The following GRID2 variants were observed in gnomAD, a reference collection of about 807,000 sequenced individuals.
GRID2 encodes glutamate receptor ionotropic, delta-2.
Under a neutral mutation model 114.8 loss-of-function variants are expected in GRID2, and 33 were observed. That is an observed-to-expected ratio of 0.29 (90% CI 0.22 to 0.38). GRID2 has a LOEUF of 0.38. GRID2 is among the 10% of genes least tolerant of loss of function. The pLI is 1.00. For missense variants in GRID2, 1,184 were observed against 1,257.7 expected, an observed-to-expected ratio of 0.94 and a Z score of 0.89; for synonymous variants, 505 against 449.9, an observed-to-expected ratio of 1.12 and a Z score of -1.55.
At chr4:92,772,938 C>A (rs1048933208) in intron 2 of GRID2, among the ~76,000 whole-genome samples, 1 of 152,166 alleles carries the variant, frequency 6.6e-6, no homozygotes, top group African/African-American at 2.4e-5. Context: ...GCTTTAGTCT[C>A]TGAGGCTTCA....
At chr4:92,968,639 T>C (rs898034144) in intron 2 of GRID2, among the ~76,000 whole-genome samples, 5 of 151,936 alleles carry the variant, frequency 3.3e-5, no homozygotes, top group Non-Finnish European at 7.4e-5. Context: ...ATGGCTTTAA[T>C]AGATTCACAT....
intron 1 of GRID2, among the ~76,000 whole-genome samples, chr4:92,454,997 A>G (rs533748799): frequency 2.0e-5 from 3 of 152,320 alleles, no homozygotes; most frequent in South Asian, 2.1e-4. Context: ...TACTTGGTTA[A>G]GATTCTACTG....
chr4:92,979,816 A>G (rs545726431), intron 2 of GRID2, among the ~76,000 whole-genome samples: 1 of 152,214 alleles, frequency 6.6e-6, no homozygotes, highest in South Asian at 2.1e-4. Flanking sequence ...ACCTAGAGAG[A>G]TTTGCATTTA....
intron 8 of GRID2, among the ~76,000 whole-genome samples, chr4:93,327,355 C>T (rs1428001455): frequency 6.6e-6 from 1 of 152,098 alleles, no homozygotes; most frequent in Non-Finnish European, 1.5e-5. Context: ...GTCTTTTTCA[C>T]CTCAGTCAAC....
chr4:93,009,420 C>T (rs1472148503), intron 2 of GRID2, among the ~76,000 whole-genome samples: 5 of 152,084 alleles, frequency 3.3e-5, no homozygotes, highest in Non-Finnish European at 1.5e-5. Context: ...AGGAGGAGAC[C>T]ACAGTCATTC....
chr4:93,424,711 G>A (rs1305720103), intron 10 of GRID2, among the ~76,000 whole-genome samples: 2 of 152,064 alleles, frequency 1.3e-5, no homozygotes, highest in South Asian at 2.1e-4. Context: ...TTCTGGGATA[G>A]GTTACATTTA....
chr4:92,954,705 G>A (rs1200216246), intron 2 of GRID2, among the ~76,000 whole-genome samples: 1 of 142,494 alleles, frequency 7.0e-6, no homozygotes, highest in Non-Finnish European at 1.5e-5. Flanking sequence ...ATGCTGGTGC[G>A]CTGCACCCAC....
At chr4:92,425,200 G>A (rs965714089) in intron 1 of GRID2, among the ~76,000 whole-genome samples, 5 of 151,946 alleles carry the variant, frequency 3.3e-5, no homozygotes, top group African/African-American at 9.7e-5. Flanking sequence ...TTAAGTAGAC[G>A]ACAGCAAATA....
At chr4:93,420,769 T>C (rs1768189810) in intron 9 of GRID2, among the ~76,000 whole-genome samples, 1 of 150,790 alleles carries the variant, frequency 6.6e-6, no homozygotes, top group African/African-American at 2.4e-5. Context: ...TTTATTTATG[T>C]TTTTGAGACA....
chr4:93,250,136 A>G lies in GRID2; in HGVS notation c.1245+11646A>G, dbSNP rs1748688786. On this transcript the variant is annotated intron_variant, in intron 8 of 15. Transcript: ENST00000282020. ...ATAGACTGGATAAAGAAAATGTGGC[A>G]CATAAACACCATGCAATACTATGCA... 2.0e-5 allele frequency among the ~76,000 whole-genome samples: 3 copies of G among 152,226 alleles called. No homozygotes were observed. The South Asian group carries it at 6.2e-4, about 32-fold the overall frequency.
At chr4:92,870,173 C>A (rs1416597811) in intron 2 of GRID2, among the ~76,000 whole-genome samples, 1 of 151,810 alleles carries the variant, frequency 6.6e-6, no homozygotes, top group African/African-American at 2.4e-5. Flanking sequence ...TCTACTCCAG[C>A]ATGGGTGACA....
intron 14 of GRID2, among the ~76,000 whole-genome samples, chr4:93,659,238 G>A (rs923223466): frequency 2.0e-5 from 3 of 152,014 alleles, no homozygotes; most frequent in African/African-American, 7.2e-5. Context: ...CATGTAAAAT[G>A]TGCACAGGTG....
At chr4:93,353,077 A>T (rs891126239) in intron 8 of GRID2, among the ~76,000 whole-genome samples, 8 of 152,040 alleles carry the variant, frequency 5.3e-5, no homozygotes, top group Non-Finnish European at 7.4e-5. Flanking sequence ...CCCCAATGGG[A>T]TGTGCTTTAG....
intron 10 of GRID2, among the ~76,000 whole-genome samples, chr4:93,445,034 G>C (rs917588345): frequency 6.6e-6 from 1 of 151,998 alleles, no homozygotes; most frequent in African/African-American, 2.4e-5. Flanking sequence ...TCCTTAGCTA[G>C]TGTGGTCATG....
intron 4 of GRID2, among the ~76,000 whole-genome samples, chr4:93,117,120 C>T (rs979962211): frequency 6.6e-6 from 1 of 152,074 alleles, no homozygotes. Flanking sequence ...TTATTTACCT[C>T]AGAACATCAA....
intron 2 of GRID2, among the ~76,000 whole-genome samples, chr4:92,798,274 G>A (rs999762851): frequency 6.6e-6 from 1 of 151,862 alleles, no homozygotes; most frequent in African/African-American, 2.4e-5. Context: ...TTAATTTTAT[G>A]CAGCATTCAG....
At chr4:93,804,190 ATC>A (rs1734988654) in intron 1 of GRID2, among the ~76,000 whole-genome samples, 2 of 152,246 alleles carry the variant, frequency 1.3e-5, no homozygotes, top group South Asian at 4.1e-4. Context: ...CCATGAGACT[ATC>A]ACAGACAACA....
chr4:93,621,378 C>T (rs1421754028), intron 13 of GRID2, among the ~76,000 whole-genome samples: 1 of 152,126 alleles, frequency 6.6e-6, no homozygotes, highest in Admixed American at 6.5e-5. Context: ...GATTATTTTT[C>T]TTCCTCATAA....
In GRID2 at chr4:92,622,154, A is replaced by C. The variant is rs1057368866; in HGVS notation, c.244+31868A>C. Among the ~76,000 whole-genome samples the C allele has an allele frequency of 2.0e-5, 3 of 151,744 alleles. No individual in the cohort carries two copies. In the Admixed American group the frequency reaches 2.0e-4, roughly 10 times the overall value. ...GAGAGTCAATTAGAGATGATGGATA[A>C]TATTTCTGAGTCATAGTAAGAATTA... On this transcript the variant is annotated intron_variant, in intron 2 of 15. Coordinates refer to ENST00000282020, the MANE Select transcript of GRID2 (RefSeq NM_001510.4).
Sources: allele counts gnomAD v4.1 joint callset (sites outside exome capture counted in the v4.1 genomes callset), GRCh38; gene constraint gnomAD v4.1.1; transcripts MANE v1.5; gene names NCBI Gene and HGNC (gene_info 2026-07-23, HGNC 2026-07-21).